RBM34: variants seen among roughly 807,000 people sequenced by gnomAD.
RBM34 encodes the protein RNA binding motif protein 34.
RBM34 carries 39 observed loss-of-function variants against 44.6 expected under a neutral mutation model. That is an observed-to-expected ratio of 0.87 (90% CI 0.68 to 1.14). The LOEUF is 1.14. Among genes scored for constraint, RBM34 ranks in the 50% most tolerant of loss-of-function variants. The pLI is 0.00. For missense variants in RBM34, 572 were observed against 517.9 expected (o/e 1.10, Z -1.01); for synonymous variants, 194 against 184.0 (o/e 1.05, Z -0.44).
chr1:235,148,120 T>C (rs1572157226), intron 6 of RBM34, among the ~76,000 whole-genome samples: 1 of 152,134 alleles, frequency 6.6e-6, no homozygotes, highest in Non-Finnish European at 1.5e-5. Context: ...ATGAGAAAAT[T>C]TAGGCATGAA....
At chr1:235,135,239 T>G (rs375058663) in intron 10 of RBM34, among the ~76,000 whole-genome samples, 1 of 141,300 alleles carries the variant, frequency 7.1e-6, no homozygotes, top group Non-Finnish European at 1.6e-5. Flanking sequence ...TTTTTTTTTT[T>G]CCCCCTTGAG....
chr1:235,136,742 A>G (rs747322636), intron 8 of RBM34, among the ~76,000 whole-genome samples: 4 of 152,216 alleles, frequency 2.6e-5, no homozygotes, highest in Non-Finnish European at 4.4e-5. Flanking sequence ...AAATTTTTAG[A>G]ATAGCTCCTG....
chr1:235,150,874 A>G (rs2102852186), intron 5 of RBM34, among the ~76,000 whole-genome samples: 1 of 152,286 alleles, frequency 6.6e-6, no homozygotes, highest in South Asian at 2.1e-4. Context: ...GGGGAGAATC[A>G]AGGTAGGCTC....
In RBM34 at chr1:235,160,514, T is replaced by C. The variant is rs1261719867; in HGVS notation, c.362A>G (p.Asp121Gly). Residue 121 changes from aspartate (D) to glycine (G), a missense_variant, in exon 3 of 11, where the codon GAC becomes GGC. Physicochemically the swap from Asp to Gly is moderately conservative, Grantham distance 94. Transcript: ENST00000408888. ...KHTNAEKKLADRESALASADL... is the reference protein window; with the variant it reads ...KHTNAEKKLAGRESALASADL... ...CAAATAAGAGAATTTTACCAACCTG[T>C]CTGCCAACTTTTTTTCTGCGTTAGT... 2.5e-6 allele frequency: 4 copies of C among 1,610,382 alleles called. No individual in the cohort carries two copies. The highest frequency in any genetic ancestry group is 3.4e-6 in the Non-Finnish European group (4 of 1,179,168).
rs563655647 is a variant in RBM34, at chr1:235,137,943, G to A, written c.786-3C>T. 11 of 1,601,222 alleles carry A rather than the reference G, an allele frequency of 6.9e-6. No individual in the cohort carries two copies. The highest frequency in any genetic ancestry group is 8.5e-6 in the Non-Finnish European group (10 of 1,170,198). Reference sequence around the variant, plus strand: ...CATCTGCAATCTGGGCCCCATTTCTGTATTATAAATACAAAGGGAAAATGG... The same window carrying A: ...CATCTGCAATCTGGGCCCCATTTCTATATTATAAATACAAAGGGAAAATGG... On this transcript the variant is annotated splice_polypyrimidine_tract_variant and splice_region_variant and intron_variant, in intron 7 of 10. Transcript: ENST00000408888.
intron 3 of RBM34, chr1:235,160,187 G>T (rs1315570059): frequency 4.4e-6 from 2 of 458,092 alleles, no homozygotes. Context: ...GGGAAGCGGA[G>T]GTTGCAGTGA....
At chr1:235,148,349 T>C (rs796557504) in intron 6 of RBM34, 55 bp downstream of exon 6, 1 of 1,381,644 alleles carries the variant, frequency 7.2e-7, no homozygotes, top group African/African-American at 1.5e-5. Flanking sequence ...TCTCACTTTT[T>C]AGCCAAAAAG....
chr1:235,143,194 A>G (rs1234808315), intron 6 of RBM34, among the ~76,000 whole-genome samples: 1 of 152,230 alleles, frequency 6.6e-6, no homozygotes, highest in East Asian at 1.9e-4. Context: ...AATGTCTAAA[A>G]TTAAATGACA....
intron 8 of RBM34, 117 bp from the exon 9 acceptor site, chr1:235,136,190 T>C: frequency 1.3e-6 from 1 of 784,018 alleles, no homozygotes; most frequent in East Asian, 2.7e-5. Flanking sequence ...TCTTCTAATT[T>C]AACCACACAT....
intron 10 of RBM34, among the ~76,000 whole-genome samples, chr1:235,133,722 T>A (rs1166733722): frequency 2.6e-5 from 4 of 152,126 alleles, no homozygotes; most frequent in South Asian, 2.1e-4. Flanking sequence ...AATAAAAAAA[T>A]TTATTATATA....
intron 6 of RBM34, among the ~76,000 whole-genome samples, chr1:235,143,473 C>T (rs1661771825): frequency 6.6e-6 from 1 of 152,188 alleles, no homozygotes; most frequent in Non-Finnish European, 1.5e-5. Flanking sequence ...CGATGGCTCA[C>T]GCCTATAATC....
chr1:235,135,433 G>C (rs1661384260), intron 10 of RBM34, among the ~76,000 whole-genome samples: 1 of 150,566 alleles, frequency 6.6e-6, no homozygotes, highest in African/African-American at 2.5e-5. Flanking sequence ...TTTACCATGT[G>C]GGCCAGGCTG....
intron 3 of RBM34, chr1:235,156,720 T>C (rs541237816): frequency 2.6e-5 from 11 of 418,564 alleles, no homozygotes; most frequent in African/African-American, 2.3e-4. Context: ...GAAGAGCTAA[T>C]AAGAATCATA....
In RBM34 at chr1:235,131,510, AAAAAC is replaced by A; in HGVS notation, c.*198_*202del. The A allele has an allele frequency of 1.7e-6, 1 of 588,746 alleles. No individual in the cohort carries two copies. The allele number at this position is 588,746 out of a possible 1,614,324, so 36.5% of individuals were successfully genotyped here. ...GAGACAACAGCCAAACTCCATCTCAAAAAACAAAACAAAAACAAAAAAACCTTCAA... is the reference window on the plus strand; with the variant it reads ...GAGACAACAGCCAAACTCCATCTCAAAAAACAAAAACAAAAAAACCTTCAA... On this transcript the variant is annotated 3_prime_UTR_variant, in exon 11 of 11. Coordinates refer to ENST00000408888, the MANE Select transcript of RBM34 (RefSeq NM_015014.4).
intron 3 of RBM34, chr1:235,156,777 T>C: frequency 2.8e-6 from 1 of 359,576 alleles, no homozygotes; most frequent in Non-Finnish European, 5.5e-6. Context: ...CCTACTCAGT[T>C]CTAGGCTCTG....
At chr1:235,150,128 G>A (rs1662097198) in intron 5 of RBM34, among the ~76,000 whole-genome samples, 1 of 152,250 alleles carries the variant, frequency 6.6e-6, no homozygotes, top group Admixed American at 6.5e-5. Context: ...AGGCTGGAGT[G>A]CAGTGGCACA....
At chr1:235,161,145 C>T in intron 1 of RBM34, 29 bp downstream of exon 1, 1 of 1,600,186 alleles carries the variant, frequency 6.2e-7, no homozygotes, top group East Asian at 2.2e-5. Flanking sequence ...AACATCCCTC[C>T]CCAGGTACTC....
chr1:235,136,885 T>C (rs1277393667), intron 8 of RBM34, among the ~76,000 whole-genome samples: 1 of 152,234 alleles, frequency 6.6e-6, no homozygotes, highest in Non-Finnish European at 1.5e-5. Context: ...TGCCATCTCC[T>C]GAGTGAATTA....
chr1:235,155,492 C>A (rs1387798906), intron 3 of RBM34, among the ~76,000 whole-genome samples: 1 of 147,704 alleles, frequency 6.8e-6, no homozygotes, highest in South Asian at 2.1e-4. Flanking sequence ...CAGGCGCATG[C>A]CCCCACACGT....
Sources: gnomAD v4.1 joint callset for allele counts (sites outside exome capture counted in the v4.1 genomes callset) on GRCh38, gnomAD v4.1.1 for gene constraint, MANE v1.5 for transcripts, NCBI Gene and HGNC (gene_info 2026-07-23, HGNC 2026-07-21) for gene names.